RBFOX1: variants seen among roughly 807,000 people sequenced by gnomAD.
RBFOX1 encodes RNA binding fox-1 homolog 1, also known as RNA binding protein fox-1 homolog 1.
In RBFOX1, 8 loss-of-function variants were observed where a neutral mutation model predicts 57.7. The ratio of observed to expected loss-of-function variants is 0.14; its 90% CI spans 0.08 to 0.25. The LOEUF is 0.25. RBFOX1 is among the 10% of genes least tolerant of loss of function. The pLI, the probability that RBFOX1 is intolerant of heterozygous loss-of-function variation, is 1.00. For missense variants in RBFOX1, 611 were observed against 548.5 expected, an observed-to-expected ratio of 1.11 and a Z score of -1.14; for synonymous variants, 326 against 222.4, an observed-to-expected ratio of 1.47 and a Z score of -4.15.
chr16:7,048,350 C>G (rs540461808), intron 3 of RBFOX1, among the ~76,000 whole-genome samples: 2 of 152,130 alleles, frequency 1.3e-5, no homozygotes, highest in Non-Finnish European at 2.9e-5. Flanking sequence ...ACCTCTGCCT[C>G]CCAGGTTCAA....
chr16:6,617,449 C>G (rs193182893), intron 2 of RBFOX1, among the ~76,000 whole-genome samples: 1 of 152,086 alleles, frequency 6.6e-6, no homozygotes, highest in Non-Finnish European at 1.5e-5. Flanking sequence ...GGGTCTGACT[C>G]TCCAGTTCAC....
At chr16:5,779,268 G>C (rs1391608133) in intron 3 of RBFOX1, among the ~76,000 whole-genome samples, 1 of 152,174 alleles carries the variant, frequency 6.6e-6, no homozygotes, top group Non-Finnish European at 1.5e-5. Flanking sequence ...CTAAACAGCT[G>C]AATTTATCTT....
intron 3 of RBFOX1, among the ~76,000 whole-genome samples, chr16:7,021,837 G>C (rs1243331923): frequency 1.3e-5 from 2 of 151,272 alleles, no homozygotes; most frequent in African/African-American, 4.8e-5. Context: ...CTTGAAGGTA[G>C]TTGGTATTAT....
chr16:7,645,081 C>G (rs771983038), intron 11 of RBFOX1, among the ~76,000 whole-genome samples: 1 of 152,172 alleles, frequency 6.6e-6, no homozygotes, highest in Non-Finnish European at 1.5e-5. Flanking sequence ...CAGGCCAGCA[C>G]GTTGTCACCA....
chr16:5,579,244 G>A (rs11076935), intron 2 of RBFOX1, among the ~76,000 whole-genome samples: 135,818 of 152,106 alleles, frequency 0.89, 60,726 homozygotes, highest in East Asian at 1. Context: ...AAATAGTGCA[G>A]GTAGCCAGAC....
At position 6,078,457 on chromosome 16, in the gene RBFOX1, T is replaced by C. The variant is rs545466943; in HGVS notation, c.-127+58465T>C. Among the ~76,000 whole-genome samples, 284 of 152,268 alleles carry C rather than the reference T, an allele frequency of 1.9e-3. 2 individuals are homozygous for C. The highest frequency in any genetic ancestry group is 6.6e-3 in the African/African-American group (275 of 41,574). The stretch of plus-strand genomic sequence containing the variant: ...CTGTCATTAGTATTAATGTATTTTA[T>C]GTATGACCTGAGACACTTCTTCTTC... On this transcript the variant is annotated intron_variant, in intron 1 of 15. Transcript: ENST00000550418.
intron 4 of RBFOX1, among the ~76,000 whole-genome samples, chr16:7,057,503 G>T (rs780502850): frequency 1.3e-5 from 2 of 152,100 alleles, no homozygotes; most frequent in Non-Finnish European, 2.9e-5. Flanking sequence ...ATGTTGCATC[G>T]CTTTCCACCG....
At chr16:6,078,843 G>A (rs1365278027) in intron 1 of RBFOX1, among the ~76,000 whole-genome samples, 1 of 152,202 alleles carries the variant, frequency 6.6e-6, no homozygotes, top group East Asian at 1.9e-4. Context: ...CTTAGAATTA[G>A]TAGATTTTCA....
rs185414680 is a variant in RBFOX1 at position 6,903,633 on chromosome 16, G to A, written c.-15-148424G>A. ...GTCAACCTGTATAAATGCTCCTGGG[G>A]ACTGTCCTTTGGATAAGCAGGTGTT... On this transcript the variant is annotated intron_variant, in intron 3 of 15. Transcript: ENST00000550418. 3.0e-4 allele frequency among the ~76,000 whole-genome samples: 46 copies of A among 152,230 alleles called. 1 individual carries two copies. The East Asian group carries it at 8.3e-3, about 28-fold the overall frequency.
chr16:7,400,701 G>A (rs1028936128), intron 4 of RBFOX1, among the ~76,000 whole-genome samples: 1 of 152,106 alleles, frequency 6.6e-6, no homozygotes, highest in Admixed American at 6.6e-5. Context: ...AGCTAGGGGA[G>A]GAAAAATTCT....
intron 3 of RBFOX1, among the ~76,000 whole-genome samples, chr16:6,930,617 C>T (rs1411118479): frequency 6.6e-6 from 1 of 152,096 alleles, no homozygotes; most frequent in African/African-American, 2.4e-5. Context: ...ACCATGTTGG[C>T]CAGGCTGGTC....
chr16:7,643,864 C>T (rs1009916556), intron 11 of RBFOX1, among the ~76,000 whole-genome samples: 1 of 152,106 alleles, frequency 6.6e-6, no homozygotes, highest in Non-Finnish European at 1.5e-5. Context: ...ATGGCGGGCA[C>T]ACACACAGAC....
chr16:5,757,706 A>G (rs189776299), intron 3 of RBFOX1, among the ~76,000 whole-genome samples: 1 of 152,224 alleles, frequency 6.6e-6, no homozygotes, highest in African/African-American at 2.4e-5. Context: ...TTCTTACAAC[A>G]GTGCTATGAA....
At chr16:7,455,785 C>CA (rs369544031) in intron 4 of RBFOX1, among the ~76,000 whole-genome samples, 38,659 of 82,140 alleles carry the variant, frequency 0.47, 7,339 homozygotes, top group Non-Finnish European at 0.55. Flanking sequence ...GACTCCATCT[C>CA]AAAAAAAAAA....
At chr16:6,518,400 A>G (rs1439102953) in intron 2 of RBFOX1, among the ~76,000 whole-genome samples, 8 of 152,290 alleles carry the variant, frequency 5.3e-5, no homozygotes, top group Admixed American at 3.3e-4. Context: ...TCATGGGGAA[A>G]GAAAAAGTGC....
At chr16:6,618,195 G>T (rs1317227829) in intron 2 of RBFOX1, among the ~76,000 whole-genome samples, 1 of 152,138 alleles carries the variant, frequency 6.6e-6, no homozygotes, top group Non-Finnish European at 1.5e-5. Flanking sequence ...TCACCTCCCA[G>T]CACCCTGCCT....
chr16:6,142,172 C>T (rs1251177290), intron 1 of RBFOX1, among the ~76,000 whole-genome samples: 1 of 118,714 alleles, frequency 8.4e-6, no homozygotes, highest in Non-Finnish European at 1.6e-5. Flanking sequence ...CTTCAGAGAT[C>T]CTTGTTGCTG....
At chr16:6,069,638 CAG>C (rs2095811189) in intron 1 of RBFOX1, among the ~76,000 whole-genome samples, 1 of 152,118 alleles carries the variant, frequency 6.6e-6, no homozygotes, top group South Asian at 2.1e-4. Flanking sequence ...TAGGAAGTAA[CAG>C]AACATTTCAC....
intron 14 of RBFOX1, among the ~76,000 whole-genome samples, chr16:7,694,792 G>C (rs1461678046): frequency 3.9e-5 from 6 of 152,098 alleles, no homozygotes; most frequent in African/African-American, 1.4e-4. Context: ...GAAACAAAAG[G>C]GGAGACCGCT....
Sources: gnomAD v4.1 joint callset for allele counts (sites outside exome capture counted in the v4.1 genomes callset) on GRCh38, gnomAD v4.1.1 for gene constraint, MANE v1.5 for transcripts, NCBI Gene and HGNC (gene_info 2026-07-23, HGNC 2026-07-21) for gene names.